The following PLPPR1 variants were observed in gnomAD, a reference collection of about 807,000 sequenced individuals.
The protein encoded by PLPPR1 is phospholipid phosphatase-related protein type 1.
PLPPR1 carries 10 observed loss-of-function variants against 33.1 expected under a neutral mutation model. That is an observed-to-expected ratio of 0.30 (90% CI 0.19 to 0.51). The LOEUF is 0.51. PLPPR1 is among the 20% of genes least tolerant of loss of function. The pLI is 0.97. For synonymous variants in PLPPR1, 151 were observed against 151.0 expected, an observed-to-expected ratio of 1.00 and a Z score of 0.00; for missense variants, 304 against 408.1, an observed-to-expected ratio of 0.74 and a Z score of 2.20.
At chr9:101,162,274 A>T (rs1228080394) in intron 1 of PLPPR1, among the ~76,000 whole-genome samples, 2 of 152,262 alleles carry the variant, frequency 1.3e-5, no homozygotes, top group African/African-American at 4.8e-5. Context: ...ACACAGCCTG[A>T]GAGTGCTTTG....
At chr9:101,239,059 G>A (rs1827395653) in intron 2 of PLPPR1, among the ~76,000 whole-genome samples, 1 of 80,070 alleles carries the variant, frequency 1.2e-5, no homozygotes, top group African/African-American at 4.1e-5. Flanking sequence ...GAATTTCATT[G>A]AGTGTGTGTG....
intron 4 of PLPPR1, among the ~76,000 whole-genome samples, chr9:101,304,242 A>G (rs75163597): frequency 0.048 from 7,265 of 152,288 alleles, 538 homozygotes; most frequent in African/African-American, 0.16. Context: ...TTTGTCAACT[A>G]TGTTCTCTGA....
chr9:101,305,969 TC>T (rs1358736219), intron 4 of PLPPR1, among the ~76,000 whole-genome samples: 1 of 152,154 alleles, frequency 6.6e-6, no homozygotes, highest in Non-Finnish European at 1.5e-5. Context: ...ACCTTCATCA[TC>T]CTCTTTCTTT....
At chr9:101,238,533 C>T (rs1827381688) in intron 2 of PLPPR1, among the ~76,000 whole-genome samples, 1 of 151,134 alleles carries the variant, frequency 6.6e-6, no homozygotes. Flanking sequence ...AACTCAGAAA[C>T]AAAGTCAAAT....
chr9:101,179,381 C>A (rs1427536160), intron 1 of PLPPR1, among the ~76,000 whole-genome samples: 4 of 152,124 alleles, frequency 2.6e-5, no homozygotes, highest in Non-Finnish European at 5.9e-5. Context: ...CAGCTATGAC[C>A]ACTTGACCAG....
intron 2 of PLPPR1, among the ~76,000 whole-genome samples, chr9:101,251,487 A>G (rs906205350): frequency 8.5e-5 from 13 of 152,114 alleles, no homozygotes; most frequent in African/African-American, 2.7e-4. Flanking sequence ...CTTCTGCTCC[A>G]GTCTCGTATA....
intron 1 of PLPPR1, among the ~76,000 whole-genome samples, chr9:101,087,684 G>A (rs1055330358): frequency 1.3e-5 from 2 of 152,156 alleles, no homozygotes; most frequent in African/African-American, 4.8e-5. Flanking sequence ...GATGTGAAGT[G>A]TCAATACATT....
At chr9:101,310,366 A>C (rs147136737) in intron 5 of PLPPR1, among the ~76,000 whole-genome samples, 3 of 152,240 alleles carry the variant, frequency 2.0e-5, no homozygotes, top group Non-Finnish European at 4.4e-5. Flanking sequence ...CCTTACTTCA[A>C]CTTATTTTAT....
intron 2 of PLPPR1, among the ~76,000 whole-genome samples, chr9:101,212,148 T>A (rs1171739896): frequency 6.6e-6 from 1 of 151,742 alleles, no homozygotes; most frequent in Non-Finnish European, 1.5e-5. Context: ...AGTGGTGTGA[T>A]CTCGGCTCAC....
chr9:101,283,388 G>C lies in PLPPR1; in HGVS notation c.253-2716G>C, dbSNP rs546706500. ...TTATAGCCAACTGATTTTCAACAAA[G>C]GTGTCAAGCACACCCAATGGGAAAA... On this transcript the variant is annotated intron_variant, in intron 3 of 7. Coordinates refer to ENST00000374874, the MANE Select transcript of PLPPR1 (RefSeq NM_207299.2). Among the ~76,000 whole-genome samples the C allele has an allele frequency of 6.6e-5, 10 of 152,210 alleles. No homozygotes were observed. In the South Asian group the frequency reaches 8.3e-4, roughly 13 times the overall value.
intron 2 of PLPPR1, among the ~76,000 whole-genome samples, chr9:101,214,074 A>G (rs1404829060): frequency 6.6e-6 from 1 of 152,208 alleles, no homozygotes; most frequent in Non-Finnish European, 1.5e-5. Flanking sequence ...AAAAATCTGT[A>G]TAAAGAGATG....
At chr9:101,148,484 G>A (rs971924071) in intron 1 of PLPPR1, among the ~76,000 whole-genome samples, 9 of 151,996 alleles carry the variant, frequency 5.9e-5, no homozygotes, top group Admixed American at 2.6e-4. Flanking sequence ...CTCTCTTGTT[G>A]CCTCATGGAA....
intron 4 of PLPPR1, among the ~76,000 whole-genome samples, chr9:101,304,369 A>G (rs1828809793): frequency 6.6e-6 from 1 of 152,166 alleles, no homozygotes; most frequent in Non-Finnish European, 1.5e-5. Flanking sequence ...TGATCCCACA[A>G]TTATCTGTTA....
intron 7 of PLPPR1, among the ~76,000 whole-genome samples, chr9:101,323,233 GCCTGTA>G (rs1829188968): frequency 6.6e-6 from 1 of 152,160 alleles, no homozygotes; most frequent in Non-Finnish European, 1.5e-5. Context: ...AGTAGCTTGT[GCCTGTA>G]ATCCCAGCAC....
chr9:101,213,074 G>A (rs1826717764), intron 2 of PLPPR1, among the ~76,000 whole-genome samples: 2 of 152,182 alleles, frequency 1.3e-5, no homozygotes, highest in Non-Finnish European at 2.9e-5. Flanking sequence ...CTGCAATATA[G>A]AGAGGTGAAT....
chr9:101,241,359 C>G (rs367965852), intron 2 of PLPPR1, among the ~76,000 whole-genome samples: 2 of 152,110 alleles, frequency 1.3e-5, no homozygotes, highest in South Asian at 4.1e-4. Flanking sequence ...CTGGGTCATA[C>G]TGGGAGAAGA....
chr9:101,300,576 C>A (rs1828733982), intron 4 of PLPPR1, among the ~76,000 whole-genome samples: 1 of 152,182 alleles, frequency 6.6e-6, no homozygotes, highest in African/African-American at 2.4e-5. Context: ...GGGAGCTGCC[C>A]ATGGGGGCTT....
At chr9:101,062,857 T>C (rs1830363547) in intron 1 of PLPPR1, among the ~76,000 whole-genome samples, 1 of 152,096 alleles carries the variant, frequency 6.6e-6, no homozygotes, top group Admixed American at 6.6e-5. Flanking sequence ...CTCTGGGTCA[T>C]TCATTTATCA....
chr9:101,100,035 TTTTC>T (rs1327387918), intron 1 of PLPPR1, among the ~76,000 whole-genome samples: 3 of 152,264 alleles, frequency 2.0e-5, no homozygotes, highest in African/African-American at 4.8e-5. Flanking sequence ...TGGCTGATTA[TTTTC>T]TTTCTTTCTT....
Sources: allele counts gnomAD v4.1 joint callset (sites outside exome capture counted in the v4.1 genomes callset), GRCh38; gene constraint gnomAD v4.1.1; transcripts MANE v1.5; gene names NCBI Gene and HGNC (gene_info 2026-07-23, HGNC 2026-07-21).